The following PCDH11X variants were observed in gnomAD, a reference collection of about 807,000 sequenced individuals.
PCDH11X encodes the protein protocadherin 11 X-linked, also known as protocadherin-11 X-linked.
Under a neutral mutation model 53.3 loss-of-function variants are expected in PCDH11X, and 18 were observed. The observed-to-expected ratio is 0.34, with a 90% CI of 0.23 to 0.50. PCDH11X has a LOEUF of 0.50. Ranked by LOEUF, PCDH11X falls within the 20% of genes least tolerant of loss-of-function variation. The pLI, the probability that PCDH11X is intolerant of heterozygous loss-of-function variation, is 0.98. For synonymous variants in PCDH11X, 279 were observed against 393.3 expected, an observed-to-expected ratio of 0.71 and a Z score of 3.44; for missense variants, 570 against 1,032.4, an observed-to-expected ratio of 0.55 and a Z score of 6.14.
At chrX:92,031,990 T>G (rs1297487837) in intron 6 of PCDH11X, among the ~76,000 whole-genome samples, 2 of 112,002 alleles carry the variant, frequency 1.8e-5, no homozygotes, top group African/African-American at 6.5e-5. Flanking sequence ...GCATATAAAT[T>G]TTAGGATTTT....
chrX:92,566,732 G>A (rs929087985), intron 10 of PCDH11X, among the ~76,000 whole-genome samples: 8 of 111,661 alleles, frequency 7.2e-5, no homozygotes, highest in African/African-American at 2.6e-4. Context: ...GTATTTGAAG[G>A]GCACTGAGCA....
chrX:92,095,213 A>C (rs2064116062), intron 6 of PCDH11X, among the ~76,000 whole-genome samples: 1 of 109,916 alleles, frequency 9.1e-6, no homozygotes, highest in Admixed American at 9.8e-5. Flanking sequence ...TTGCTCACTA[A>C]TTTTCAGGCT....
At chrX:91,863,516 G>A (rs1569417127) in intron 5 of PCDH11X, among the ~76,000 whole-genome samples, 1 of 111,707 alleles carries the variant, frequency 9.0e-6, no homozygotes, top group Non-Finnish European at 1.9e-5. Flanking sequence ...TTTCTCATAA[G>A]CAACAGATCA....
At chrX:92,302,873 A>C (rs2068751139) in intron 8 of PCDH11X, among the ~76,000 whole-genome samples, 1 of 110,915 alleles carries the variant, frequency 9.0e-6, no homozygotes, top group African/African-American at 3.3e-5. Context: ...GAAATATAAG[A>C]GATAGAAAGT....
intron 10 of PCDH11X, among the ~76,000 whole-genome samples, chrX:92,508,219 TTTTG>T (rs1237992669): frequency 2.7e-5 from 3 of 109,773 alleles, no homozygotes; most frequent in Non-Finnish European, 5.7e-5. Flanking sequence ...CTTTGTTTTT[TTTTG>T]TTGTTTTTTT....
At chrX:92,018,402 G>A (rs1326156456) in intron 6 of PCDH11X, among the ~76,000 whole-genome samples, 4 of 112,016 alleles carry the variant, frequency 3.6e-5, no homozygotes, top group Non-Finnish European at 7.5e-5. Context: ...TAATGGTAAT[G>A]TTAACAGTTT....
chrX:92,205,827 C>T (rs1319293045), intron 7 of PCDH11X, among the ~76,000 whole-genome samples: 1 of 110,693 alleles, frequency 9.0e-6, no homozygotes, highest in African/African-American at 3.3e-5. Flanking sequence ...GCTTGAACTC[C>T]TGACCTCAGG....
intron 5 of PCDH11X, among the ~76,000 whole-genome samples, chrX:91,847,400 T>C: frequency 9.0e-6 from 1 of 111,571 alleles, no homozygotes; most frequent in South Asian, 3.8e-4. Flanking sequence ...CCCTGTATAA[T>C]ATTAGGATGG....
intron 9 of PCDH11X, among the ~76,000 whole-genome samples, chrX:92,441,388 A>G (rs1386112748): frequency 1.8e-5 from 2 of 111,388 alleles, no homozygotes; most frequent in African/African-American, 6.5e-5. Context: ...CCCTCCTATC[A>G]CAAGCCTGGA....
intron 9 of PCDH11X, among the ~76,000 whole-genome samples, chrX:92,410,259 C>A (rs1219537121): frequency 9.1e-6 from 1 of 109,511 alleles, no homozygotes; most frequent in African/African-American, 3.3e-5. Flanking sequence ...AAGCAATTTT[C>A]TCTTCTCCTC....
chrX:92,318,015 T>G (rs2069117892), intron 8 of PCDH11X, among the ~76,000 whole-genome samples: 1 of 111,061 alleles, frequency 9.0e-6, no homozygotes, highest in Admixed American at 9.7e-5. Context: ...AAATGTAAGA[T>G]TATCATTTAC....
intron 10 of PCDH11X, among the ~76,000 whole-genome samples, chrX:92,579,795 G>A: frequency 9.0e-6 from 1 of 111,635 alleles, no homozygotes; most frequent in Non-Finnish European, 1.9e-5. Flanking sequence ...CTAAAGAGAT[G>A]TTGTGATAAT....
chrX:92,184,892 T>C (rs1179002165), intron 6 of PCDH11X, among the ~76,000 whole-genome samples: 2 of 109,977 alleles, frequency 1.8e-5, no homozygotes, highest in African/African-American at 6.6e-5. Context: ...ACAAAAATAA[T>C]AATAAATAAA....
chrX:92,175,805 G>C (rs55646996), intron 6 of PCDH11X, among the ~76,000 whole-genome samples: 33,184 of 89,363 alleles, frequency 0.37, 5,936 homozygotes, highest in Admixed American at 0.53. Context: ...CACACACACA[G>C]AGAGAGAGAG....
chrX:92,383,970 C>T (rs1477481245), intron 8 of PCDH11X, among the ~76,000 whole-genome samples: 2 of 111,992 alleles, frequency 1.8e-5, no homozygotes, highest in African/African-American at 3.2e-5. Context: ...TATTTTTCCA[C>T]ATCCTCTCCA....
chrX:91,953,411 G>A (rs1280247314), intron 6 of PCDH11X, among the ~76,000 whole-genome samples: 1 of 111,025 alleles, frequency 9.0e-6, no homozygotes, highest in Non-Finnish European at 1.9e-5. Context: ...GTATCAGAGC[G>A]ATAATTTTAC....
chrX:92,266,784 C>T lies in PCDH11X; in HGVS notation c.3144+3641C>T, dbSNP rs778492214. 3.7e-5 allele frequency among the ~76,000 whole-genome samples: 4 copies of T among 108,529 alleles called. No homozygotes were observed. In the South Asian group the frequency reaches 1.7e-3, roughly 45 times the overall value. 94.2% of individuals were successfully genotyped at this position (108,529 alleles called of 115,157 possible). On this transcript the variant is annotated intron_variant, in intron 8 of 10. Coordinates refer to ENST00000682573, the MANE Select transcript of PCDH11X (RefSeq NM_032968.5). ...TGTGGAGACAAAGTCTTGCTCTTGA[C>T]CCCAGGCTGGAGTGCAATGGCATGA...
intron 10 of PCDH11X, among the ~76,000 whole-genome samples, chrX:92,609,275 T>G (rs61446744): frequency 0.02 from 2,227 of 111,050 alleles, 45 homozygotes; most frequent in African/African-American, 0.065. Context: ...AATTGCTGGG[T>G]TTTTTTTCTG....
chrX:92,553,987 G>A (rs2148754076), intron 10 of PCDH11X, among the ~76,000 whole-genome samples: 1 of 110,847 alleles, frequency 9.0e-6, no homozygotes, highest in Non-Finnish European at 1.9e-5. Context: ...CACAGAGTCA[G>A]TTTTACTCAA....
Sources: gnomAD v4.1 joint callset for allele counts (sites outside exome capture counted in the v4.1 genomes callset) on GRCh38, gnomAD v4.1.1 for gene constraint, MANE v1.5 for transcripts, NCBI Gene and HGNC (gene_info 2026-07-23, HGNC 2026-07-21) for gene names.